Variants in CEP152 observed in about 807,000 individuals in gnomAD.
The protein encoded by CEP152 is centrosomal protein of 152 kDa.
In CEP152, 132 loss-of-function variants were observed where a neutral mutation model predicts 188.9. The observed-to-expected ratio is 0.70, with a 90% CI of 0.61 to 0.81. The LOEUF (loss-of-function observed/expected upper bound fraction) is 0.81, where lower values mean the gene tolerates loss of function less well. Ranked by LOEUF, CEP152 falls within the 30% of genes least tolerant of loss-of-function variation. The pLI is 0.00. For synonymous variants in CEP152, 649 were observed against 666.6 expected (o/e 0.97, Z 0.41); for missense variants, 1,914 against 1,969.8 (o/e 0.97, Z 0.54).
At chr15:48,782,331 G>GCAGAACTTTACT in intron 10 of CEP152, 101 bp from the exon 11 acceptor site, 2 of 996,258 alleles carry the variant, frequency 2.0e-6, no homozygotes, top group Non-Finnish European at 3.1e-6. Flanking sequence ...AGAAAGTAAA[G>GCAGAACTTTACT]TTCTGCTTTA....
At chr15:48,810,332 C>G (rs1198754536) in intron 1 of CEP152, 3 of 152,254 alleles carry the variant, frequency 2.0e-5, no homozygotes, top group Admixed American at 2.0e-4. Context: ...TTACCAAGCA[C>G]TGTTCAAGAT....
chr15:48,780,619 C>T (rs1475134218), intron 12 of CEP152, among the ~76,000 whole-genome samples: 1 of 152,148 alleles, frequency 6.6e-6, no homozygotes, highest in Non-Finnish European at 1.5e-5. Context: ...TTCCAAACAC[C>T]GTATCTCTCT....
intron 22 of CEP152, among the ~76,000 whole-genome samples, chr15:48,746,878 G>A (rs1199946448): frequency 6.6e-6 from 1 of 152,158 alleles, no homozygotes; most frequent in African/African-American, 2.4e-5. Context: ...AGGAAGTAAT[G>A]TATTGGGGAA....
intron 9 of CEP152, among the ~76,000 whole-genome samples, chr15:48,787,842 T>C (rs755689917): frequency 5.3e-5 from 8 of 152,214 alleles, no homozygotes; most frequent in Non-Finnish European, 1.2e-4. Context: ...CCTAGAGTTA[T>C]GGAGCACAAG....
chr15:48,735,342 A>C (rs1311798539), downstream of CEP152, among the ~76,000 whole-genome samples: 1 of 152,270 alleles, frequency 6.6e-6, no homozygotes, highest in East Asian at 1.9e-4. Flanking sequence ...AAAACATATG[A>C]GGTGCAACTT....
At chr15:48,785,112 G>A (rs1896537947) in intron 9 of CEP152, among the ~76,000 whole-genome samples, 1 of 152,100 alleles carries the variant, frequency 6.6e-6, no homozygotes, top group Non-Finnish European at 1.5e-5. Flanking sequence ...GTAGAGAAAA[G>A]GCCTTAGGCT....
intron 9 of CEP152, among the ~76,000 whole-genome samples, chr15:48,786,099 A>G (rs1428894077): frequency 2.0e-5 from 3 of 152,190 alleles, no homozygotes; most frequent in Admixed American, 2.0e-4. Flanking sequence ...AACATTAAAG[A>G]AAAGGTAAAA....
chr15:48,768,353 T>C lies in CEP152; in HGVS notation c.1909-25A>G, dbSNP rs200132093. The C allele has an allele frequency of 2.3e-5, 29 of 1,278,348 alleles. No homozygotes were observed. In the Admixed American group the frequency reaches 4.9e-4, roughly 22 times the overall value. The allele number at this position is 1,278,348 out of a possible 1,614,324, so 79.2% of individuals were successfully genotyped here. On this transcript the variant is annotated intron_variant, in intron 14 of 26. Transcript: ENST00000380950. ...CCTAGACACAAAAGAATAAACTTAG[T>C]ACTTACAGAAAATAAACATCATTTT...
At chr15:48,795,237 A>C (rs1897225797) in intron 6 of CEP152, among the ~76,000 whole-genome samples, 1 of 152,200 alleles carries the variant, frequency 6.6e-6, no homozygotes, top group Admixed American at 6.5e-5. Context: ...AGTACCTATA[A>C]GCACTTTTTT....
chr15:48,785,999 C>T (rs563523476), intron 9 of CEP152, among the ~76,000 whole-genome samples: 1 of 151,578 alleles, frequency 6.6e-6, no homozygotes, highest in East Asian at 1.9e-4. Flanking sequence ...GGTTCTAGCA[C>T]ACAGGAAAAT....
chr15:48,741,495 A>T, intron 26 of CEP152, 106 bp downstream of exon 26: 1 of 1,595,462 alleles, frequency 6.3e-7, no homozygotes, highest in Non-Finnish European at 8.5e-7. Context: ...AAAACTTCAC[A>T]AATTAACTCT....
At chr15:48,768,170 G>A (rs780673586) in intron 15 of CEP152, 49 bp downstream of exon 15, 6 of 1,062,704 alleles carry the variant, frequency 5.6e-6, no homozygotes, top group South Asian at 2.5e-5. Context: ...GGGACTTAGA[G>A]GGGAAGGGTA....
rs1202087108 is a variant in CEP152, at chr15:48,741,674, G to T, written c.4020C>A (p.Ser1340Arg). The change falls in exon 26 of 27, where the codon AGC becomes AGA. Residue 1340 changes from serine (S) to arginine (R), a missense_variant. Physicochemically the swap from Ser to Arg is moderately radical, Grantham distance 110. Transcript: ENST00000380950. ...GAEKKIMNAASKLATMAKLLE... is the reference protein window; with the variant it reads ...GAEKKIMNAARKLATMAKLLE... ...GTAATTTTGCCATTGTAGCAAGTTTGCTAGCAGCATTCATAATCTTTTTCT... is the reference window on the plus strand; with the variant it reads ...GTAATTTTGCCATTGTAGCAAGTTTTCTAGCAGCATTCATAATCTTTTTCT... 6.2e-7 allele frequency: 1 copy of T among 1,613,998 alleles called. No homozygotes were observed. The highest frequency in any genetic ancestry group is 8.5e-7 in the Non-Finnish European group (1 of 1,180,028).
chr15:48,781,224 C>A lies in CEP152; in HGVS notation c.1549G>T (p.Val517Phe). ...GTAACTTTGGATTTTTTCCAGTTGACCTTTTTAATACCCAAATCCACATAC... is the reference window on the plus strand; with the variant it reads ...GTAACTTTGGATTTTTTCCAGTTGAACTTTTTAATACCCAAATCCACATAC... ...ESYVDLGIKK[V>F]NWKKSKVTSI... The change falls in exon 12 of 27, where the codon GTC becomes TTC. Residue 517 changes from valine to phenylalanine, a missense_variant. Val to Phe is a conservative substitution (Grantham distance 50). Transcript: ENST00000380950. 6.2e-7 allele frequency: 1 copy of A among 1,613,446 alleles called. No homozygotes were observed. Among genetic ancestry groups the A allele is most frequent in the Non-Finnish European group, 8.5e-7 (1 of 1,179,686 alleles).
chr15:48,794,449 A>G (rs964895454), intron 6 of CEP152, among the ~76,000 whole-genome samples: 1 of 152,230 alleles, frequency 6.6e-6, no homozygotes, highest in Admixed American at 6.5e-5. Flanking sequence ...AAAGAAAATT[A>G]AAGACTGAAA....
chr15:48,792,739 T>C (rs1897060781), intron 7 of CEP152, among the ~76,000 whole-genome samples: 1 of 151,622 alleles, frequency 6.6e-6, no homozygotes, highest in Non-Finnish European at 1.5e-5. Context: ...CAGAATGCCA[T>C]CAGTACAGTT....
At position 48,767,130 on chromosome 15, in the gene CEP152, C is replaced by T; in HGVS notation, c.2210G>A (p.Cys737Tyr). 6.2e-7 allele frequency: 1 copy of T among 1,613,754 alleles called. No homozygotes were observed. Among genetic ancestry groups the T allele is most frequent in the Admixed American group, 1.7e-5 (1 of 60,026 alleles). Residue 737 changes from cysteine (C) to tyrosine (Y), a missense_variant, in exon 17 of 27, where the codon TGC (cysteine) becomes TAC (tyrosine). Physicochemically the swap from Cys to Tyr is radical, Grantham distance 194. Coordinates refer to ENST00000380950, the MANE Select transcript of CEP152 (RefSeq NM_001194998.2). ...CAATTCTAGATTATCCTTCTCTCTG[C>T]ACACTTCTAGGTAACATTCCTGCAC... The part of the protein sequence containing the change: ...TAVQECYLEV[C>Y]REKDNLELTL...
At chr15:48,772,724 T>A (rs1403632084) in intron 12 of CEP152, 33 bp from the exon 13 acceptor site, 1 of 1,570,686 alleles carries the variant, frequency 6.4e-7, no homozygotes, top group Non-Finnish European at 8.8e-7. Flanking sequence ...TAACATTAAA[T>A]CAAGTAATAA....
intron 18 of CEP152, among the ~76,000 whole-genome samples, chr15:48,762,092 T>C (rs1894727082): frequency 6.6e-6 from 1 of 152,230 alleles, no homozygotes; most frequent in Non-Finnish European, 1.5e-5. Flanking sequence ...AATTAAACTG[T>C]GATTCATTCA....
Sources: allele counts gnomAD v4.1 joint callset (sites outside exome capture counted in the v4.1 genomes callset), GRCh38; gene constraint gnomAD v4.1.1; transcripts MANE v1.5; gene names NCBI Gene and HGNC (gene_info 2026-07-23, HGNC 2026-07-21).